The following BNC1 variants were observed in gnomAD, a reference collection of about 807,000 sequenced individuals.
The protein encoded by BNC1 is basonuclin zinc finger protein 1.
BNC1 carries 8 observed loss-of-function variants against 66.5 expected under a neutral mutation model. The observed-to-expected ratio is 0.12, with a 90% CI of 0.07 to 0.22. The LOEUF is 0.22. Ranked by LOEUF, BNC1 falls within the 10% of genes least tolerant of loss-of-function variation. The pLI, the probability that BNC1 is intolerant of heterozygous loss-of-function variation, is 1.00. For synonymous variants in BNC1, 454 were observed against 452.6 expected (o/e 1.00, Z -0.04); for missense variants, 1,069 against 1,241.3 (o/e 0.86, Z 2.09).
rs146622484 is a variant in BNC1, at chr15:83,263,733, C to T, written c.1518G>A (p.Gly506=). 1.4e-4 allele frequency: 219 copies of T among 1,614,078 alleles called. No individual in the cohort carries two copies. Among genetic ancestry groups the T allele is most frequent in the Non-Finnish European group, 1.8e-4 (210 of 1,180,050 alleles). Residue 506 remains glycine, a synonymous_variant, in exon 4 of 5, where the codon GGG becomes GGA. Coordinates refer to ENST00000345382, the MANE Select transcript of BNC1 (RefSeq NM_001717.4). ...ATPAEVANTP[G]ILPSLPLLSS... The stretch of plus-strand genomic sequence containing the variant: ...ACAACAGCGGGAGGGAAGGGAGTAT[C>T]CCAGGCGTGTTTGCTACCTCGGCAG...
In BNC1 at chr15:83,273,727, C is replaced by T. The variant is rs117211856; in HGVS notation, c.100-5495G>A. ...CTAGTTTTTAGGCACGCTCCTGGAC[C>T]CACTTGGTCTCTCGGACACCCTGTT... On this transcript the variant is annotated intron_variant, in intron 1 of 4. Coordinates refer to ENST00000345382, the MANE Select transcript of BNC1 (RefSeq NM_001717.4). 9.3e-3 allele frequency among the ~76,000 whole-genome samples: 1,412 copies of T among 152,190 alleles called. 10 individuals carry two copies. The highest frequency in any genetic ancestry group is 0.015 in the Non-Finnish European group (996 of 68,002).
chr15:83,270,993 A>C (rs1438956264), intron 1 of BNC1, among the ~76,000 whole-genome samples: 2 of 152,210 alleles, frequency 1.3e-5, no homozygotes, highest in Admixed American at 1.3e-4. Context: ...ATTAAAACAC[A>C]GGCTGGGTGC....
chr15:83,275,585 T>G (rs2038312708), intron 1 of BNC1, among the ~76,000 whole-genome samples: 2 of 151,916 alleles, frequency 1.3e-5, no homozygotes, highest in South Asian at 4.2e-4. Context: ...TGTTTTAGAT[T>G]GAGTCATCAT....
intron 4 of BNC1, among the ~76,000 whole-genome samples, chr15:83,259,099 A>G (rs1451489534): frequency 6.6e-6 from 1 of 152,178 alleles, no homozygotes; most frequent in Non-Finnish European, 1.5e-5. Context: ...CATACCACCA[A>G]TCTTCCACCC....
At position 83,264,321 on chromosome 15, in the gene BNC1, A is replaced by C. The variant is rs1479264819; in HGVS notation, c.930T>G (p.Ala310=). The change falls in exon 4 of 5, where the codon GCT becomes GCG. Residue 310 remains alanine, a synonymous_variant. Transcript: ENST00000345382. ...GGGTGCTGTCTTCTTTTTTAGTAAT[A>C]GCATCCGGACAGTTTAAACACTGAT... is the stretch of plus-strand genomic sequence containing the variant. ...EKDQCLNCPD[A]ITKKEDSTHL... 10 of 1,614,102 alleles carry C rather than the reference A, an allele frequency of 6.2e-6. No homozygotes were observed. The highest frequency in any genetic ancestry group is 8.5e-6 in the Non-Finnish European group (10 of 1,180,002).
chr15:83,284,411 C>A (rs2038421394), intron 1 of BNC1, 119 bp downstream of exon 1: 2 of 594,512 alleles, frequency 3.4e-6, no homozygotes, highest in South Asian at 1.3e-4. Context: ...GCGCAGGTAG[C>A]CAGCTGGCCC....
intron 1 of BNC1, among the ~76,000 whole-genome samples, chr15:83,281,345 TAAAG>T (rs1000657902): frequency 6.6e-5 from 10 of 152,070 alleles, no homozygotes; most frequent in Admixed American, 5.2e-4. Flanking sequence ...TCATCAAAAA[TAAAG>T]AAACAAAAAC....
intron 4 of BNC1, among the ~76,000 whole-genome samples, chr15:83,260,632 T>G (rs1038740509): frequency 5.3e-5 from 8 of 152,204 alleles, no homozygotes; most frequent in Non-Finnish European, 1.2e-4. Context: ...TCTCCTCCAC[T>G]ACAGAAGGCC....
chr15:83,267,534 C>T (rs1325655079), intron 2 of BNC1, among the ~76,000 whole-genome samples: 2 of 151,986 alleles, frequency 1.3e-5, no homozygotes, highest in African/African-American at 4.8e-5. Context: ...AATGTAATAG[C>T]CATCAGTCAC....
At chr15:83,260,986 C>G (rs2038133745) in intron 4 of BNC1, among the ~76,000 whole-genome samples, 1 of 152,086 alleles carries the variant, frequency 6.6e-6, no homozygotes, top group South Asian at 2.1e-4. Context: ...TGGGGGAAGG[C>G]TCGGATCTAT....
intron 4 of BNC1, among the ~76,000 whole-genome samples, chr15:83,260,193 A>G (rs2038125293): frequency 6.6e-6 from 1 of 152,176 alleles, no homozygotes; most frequent in South Asian, 2.1e-4. Flanking sequence ...CAATTTTGCA[A>G]CAGAGCATAT....
intron 1 of BNC1, among the ~76,000 whole-genome samples, chr15:83,269,731 A>G (rs940739075): frequency 3.3e-5 from 5 of 152,170 alleles, no homozygotes; most frequent in African/African-American, 7.2e-5. Context: ...CTAGTTGTAT[A>G]CCCAAAATAA....
In BNC1 at chr15:83,263,669, G is replaced by C; in HGVS notation, c.1582C>G (p.Pro528Ala). ...IPEQLISNEM[P>A]FDALPKKKSR... ...TTCTTCTTGGGAAGGGCATCAAATG[G>C]CATTTCGTTTGAAATGAGCTGTTCT... The change falls in exon 4 of 5, where the codon CCA (proline) becomes GCA (alanine). Residue 528 changes from proline to alanine, a missense_variant. Transcript: ENST00000345382. 6.2e-7 allele frequency: 1 copy of C among 1,614,192 alleles called. No homozygotes were observed. Among genetic ancestry groups the C allele is most frequent in the Non-Finnish European group, 8.5e-7 (1 of 1,180,026 alleles).
chr15:83,269,873 T>C (rs528649664), intron 1 of BNC1, among the ~76,000 whole-genome samples: 172 of 152,310 alleles, frequency 1.1e-3, no homozygotes, highest in Admixed American at 2.7e-3. Flanking sequence ...ATCCACTCAA[T>C]TGAATACTAC....
chr15:83,265,152 T>G (rs1339169912), intron 3 of BNC1, among the ~76,000 whole-genome samples: 2 of 152,228 alleles, frequency 1.3e-5, no homozygotes, highest in Non-Finnish European at 2.9e-5. Flanking sequence ...TAATTTTCCC[T>G]GCTAAAATTA....
At position 83,268,188 on chromosome 15, in the gene BNC1, G is replaced by A. The variant is rs745887764; in HGVS notation, c.144C>T (p.Pro48=). The stretch of plus-strand genomic sequence containing the variant: ...CACACTGACGGTGGTTTATTTTCCC[G>A]GGTTTGAAACTTTGGCAACTACAGT... The part of the protein sequence containing the change: ...TLNCSCQSFK[P]GKINHRQCDQ... Residue 48 remains proline, a synonymous_variant, in exon 2 of 5, where the codon CCC becomes CCT. Coordinates refer to ENST00000345382, the MANE Select transcript of BNC1 (RefSeq NM_001717.4). The A allele has an allele frequency of 2.0e-5, 33 of 1,614,008 alleles. No individual in the cohort carries two copies. Among genetic ancestry groups the A allele is most frequent in the Admixed American group, 1.7e-4 (10 of 59,994 alleles).
At position 83,257,492 on chromosome 15, in the gene BNC1, T is replaced by G; in HGVS notation, c.2935A>C (p.Asn979His). Residue 979 changes from asparagine (N) to histidine (H), a missense_variant, in exon 5 of 5, where the codon AAT becomes CAT. Transcript: ENST00000345382. ...SVRSRNRHSQ[N>H]PNLHKSLASS... ...GCCAGGCTTTTGTGCAGGTTGGGAT[T>G]CTGGCTGTGTCTGTTTCGACTGCGA... 6.2e-7 allele frequency: 1 copy of G among 1,614,198 alleles called. No homozygotes were observed. The highest frequency in any genetic ancestry group is 8.5e-7 in the Non-Finnish European group (1 of 1,180,026).
In BNC1 at chr15:83,264,760, A is replaced by G. The variant is rs770254434; in HGVS notation, c.491T>C (p.Val164Ala). The change falls in exon 4 of 5, where the codon GTG becomes GCG. Residue 164 changes from valine (V) to alanine (A), a missense_variant. By Grantham distance (64) the Val-to-Ala change is moderately conservative. This residue lies in a region of BNC1 where 181 missense variants were observed against 181.5 expected (regional missense o/e 1.00). Transcript: ENST00000345382. ...HWSIMTSEEEVATLQQFLRFG... is the reference protein window; with the variant it reads ...HWSIMTSEEEAATLQQFLRFG... ...ACGAAGGAACTGCTGCAAGGTGGCCACTTCTTCCTCACTGGTCATGATGCT... is the reference window on the plus strand; with the variant it reads ...ACGAAGGAACTGCTGCAAGGTGGCCGCTTCTTCCTCACTGGTCATGATGCT... 1 of 1,614,218 alleles carries G rather than the reference A, an allele frequency of 6.2e-7. No homozygotes were observed. Among genetic ancestry groups the G allele is most frequent in the South Asian group, 1.1e-5 (1 of 91,080 alleles).
At chr15:83,266,684 T>G in intron 3 of BNC1, 152 bp downstream of exon 3, 1 of 665,828 alleles carries the variant, frequency 1.5e-6, no homozygotes, top group Non-Finnish European at 2.6e-6. Context: ...CCCAAGAACA[T>G]GAGGTAGGGG....
Sources: allele counts gnomAD v4.1 joint callset (sites outside exome capture counted in the v4.1 genomes callset), GRCh38; gene constraint gnomAD v4.1.1; regional missense constraint gnomAD v4.1.1; transcripts MANE v1.5; gene names NCBI Gene and HGNC (gene_info 2026-07-23, HGNC 2026-07-21).